GOLGA4: variants seen among roughly 807,000 people sequenced by gnomAD.
The protein encoded by GOLGA4 is golgin A4.
Under a neutral mutation model 265.9 loss-of-function variants are expected in GOLGA4, and 169 were observed. The observed-to-expected ratio is 0.64, with a 90% CI of 0.56 to 0.72. The LOEUF (loss-of-function observed/expected upper bound fraction) is 0.72, where lower values mean the gene tolerates loss of function less well. Among genes scored for constraint, GOLGA4 ranks in the 30% least tolerant of loss-of-function variants. The pLI, the probability that GOLGA4 is intolerant of heterozygous loss-of-function variation, is 0.00. For missense variants in GOLGA4, 2,482 were observed against 2,483.4 expected (o/e 1.00, Z 0.01); for synonymous variants, 923 against 855.8 (o/e 1.08, Z -1.37).
intron 20 of GOLGA4, among the ~76,000 whole-genome samples, chr3:37,343,145 G>A (rs1264071805): frequency 6.6e-6 from 1 of 152,176 alleles, no homozygotes; most frequent in African/African-American, 2.4e-5. Context: ...TTTCAAGACA[G>A]AGTTTTGTTC....
intron 2 of GOLGA4, among the ~76,000 whole-genome samples, chr3:37,253,633 A>G (rs2096740108): frequency 1.3e-5 from 2 of 152,160 alleles, no homozygotes; most frequent in Non-Finnish European, 2.9e-5. Flanking sequence ...AAGAGTGCTA[A>G]AACCAAATCT....
At chr3:37,318,365 C>T (rs1250737519) in intron 11 of GOLGA4, among the ~76,000 whole-genome samples, 2 of 152,116 alleles carry the variant, frequency 1.3e-5, no homozygotes, top group African/African-American at 4.8e-5. Context: ...CTTTAATACA[C>T]ACTAAATTAT....
intron 10 of GOLGA4, among the ~76,000 whole-genome samples, chr3:37,310,903 G>A (rs2096921458): frequency 6.6e-6 from 1 of 152,162 alleles, no homozygotes. Flanking sequence ...AGACTTGTCA[G>A]CTGTGACTGA....
intron 10 of GOLGA4, among the ~76,000 whole-genome samples, chr3:37,312,482 T>A (rs957131843): frequency 6.6e-6 from 1 of 152,128 alleles, no homozygotes; most frequent in Non-Finnish European, 1.5e-5. Context: ...ATTATCATCT[T>A]GGGGTTTGCA....
intron 18 of GOLGA4, among the ~76,000 whole-genome samples, 181 bp downstream of exon 18, chr3:37,337,344 A>G (rs866620876): frequency 3.3e-5 from 5 of 151,874 alleles, no homozygotes; most frequent in Admixed American, 6.6e-5. Flanking sequence ...GACTACAGGT[A>G]TGTGCCACCA....
intron 21 of GOLGA4, among the ~76,000 whole-genome samples, chr3:37,353,621 T>C (rs1318775195): frequency 2.6e-5 from 4 of 152,052 alleles, no homozygotes; most frequent in Non-Finnish European, 5.9e-5. Context: ...CACTGCAACC[T>C]CAAATTCCTG....
chr3:37,265,866 G>A lies in GOLGA4; in HGVS notation c.162+14382G>A, dbSNP rs570683799. ...AGCCTGGGTAATGTGGTGAAACCCC[G>A]TCTCTACAAAAATTAGCAGGCATAG... On this transcript the variant is annotated intron_variant, in intron 2 of 23. Coordinates refer to ENST00000361924, the MANE Select transcript of GOLGA4 (RefSeq NM_002078.5). 3.3e-5 allele frequency among the ~76,000 whole-genome samples: 5 copies of A among 151,676 alleles called. No individual in the cohort carries two copies. In the East Asian group the frequency reaches 5.8e-4, roughly 18 times the overall value.
In GOLGA4 at chr3:37,282,194, T is replaced by C; in HGVS notation, c.399T>C (p.Ser133=). Residue 133 remains serine (S), a synonymous_variant, in exon 3 of 24, where the codon AGT becomes AGC. Transcript: ENST00000361924. ...AAGACTTGGTAGGGAATTCAGACAG[T>C]CTCAACAAAGAACAGTTGATTCAGC... ...EAEDLVGNSD[S]LNKEQLIQRL... 2 of 1,614,144 alleles carry C rather than the reference T, an allele frequency of 1.2e-6. No individual in the cohort carries two copies. The highest frequency in any genetic ancestry group is 1.7e-6 in the Non-Finnish European group (2 of 1,179,970).
In GOLGA4 at chr3:37,366,564, A is replaced by G. The variant is rs1328449507; in HGVS notation, c.*518A>G. On this transcript the variant is annotated 3_prime_UTR_variant, in exon 24 of 24. Transcript: ENST00000361924. ...CTAAAGACCAGTTCTTTAAGCTAAG[A>G]CATGTAAAAAATCCCAAATGGCAGT... The G allele has an allele frequency of 6.5e-6, 1 of 153,908 alleles. No individual in the cohort carries two copies. The highest frequency in any genetic ancestry group is 1.9e-4 in the East Asian group (1 of 5,228). The allele number at this position is 153,908 out of a possible 1,614,324, so 9.5% of individuals were successfully genotyped here. A position where few individuals can be genotyped will look rare whatever the true frequency, so the allele number is the denominator to read the frequency against.
intron 3 of GOLGA4, among the ~76,000 whole-genome samples, chr3:37,284,050 G>A (rs966771317): frequency 1.3e-5 from 2 of 152,108 alleles, no homozygotes; most frequent in Admixed American, 1.3e-4. Context: ...GCAGCTTATC[G>A]GGATCAAAAG....
intron 21 of GOLGA4, among the ~76,000 whole-genome samples, chr3:37,349,485 G>A (rs2097067041): frequency 6.6e-6 from 1 of 152,072 alleles, no homozygotes; most frequent in South Asian, 2.1e-4. Context: ...ACATAGTGTG[G>A]GTTTTTGAAA....
chr3:37,269,549 G>GA (rs933071850), intron 2 of GOLGA4, among the ~76,000 whole-genome samples: 22 of 147,520 alleles, frequency 1.5e-4, no homozygotes, highest in Middle Eastern at 3.2e-3. Context: ...AGGCTTCACA[G>GA]AAAAAAAAAA....
chr3:37,258,736 A>G (rs1003845751), intron 2 of GOLGA4, among the ~76,000 whole-genome samples: 5 of 152,248 alleles, frequency 3.3e-5, no homozygotes, highest in African/African-American at 4.8e-5. Context: ...TCTTCAAAGT[A>G]ATACATGAGA....
chr3:37,326,175 C>G lies in GOLGA4; in HGVS notation c.4289C>G (p.Ser1430Cys). ...KVDTLSKEKI[S>C]ALEQVDDWSN... ...GACACTCTGAGTAAAGAGAAAATTT[C>G]TGCTCTTGAGCAGGTAGATGACTGG... The change falls in exon 14 of 24, where the codon TCT becomes TGT. Residue 1430 changes from serine to cysteine, a missense_variant. Ser to Cys is a moderately radical substitution (Grantham distance 112). Around this residue, in one of 3 missense-constraint regions of GOLGA4, gnomAD observed 942 missense variants for 983.1 expected, o/e 0.96. Coordinates refer to ENST00000361924, the MANE Select transcript of GOLGA4 (RefSeq NM_002078.5). The G allele has an allele frequency of 6.2e-7, 1 of 1,613,332 alleles. No homozygotes were observed. The highest frequency in any genetic ancestry group is 1.7e-5 in the Admixed American group (1 of 59,990).
intron 16 of GOLGA4, among the ~76,000 whole-genome samples, chr3:37,333,645 C>T (rs2096999037): frequency 6.6e-6 from 1 of 152,030 alleles, no homozygotes; most frequent in African/African-American, 2.4e-5. Flanking sequence ...CAAGAAATGT[C>T]AACAAACCAA....
chr3:37,327,139 A>G lies in GOLGA4; in HGVS notation c.5253A>G (p.Leu1751=), dbSNP rs772545144. Residue 1751 remains leucine, a synonymous_variant, in exon 14 of 24, where the codon CTA becomes CTG. Transcript: ENST00000361924. ...LQRNLTEKEK[L]LQRVGQEKEE... ...GAAACTTAACTGAAAAAGAAAAGCTATTGCAGAGGGTAGGGCAGGAAAAAG... is the reference window on the plus strand; with the variant it reads ...GAAACTTAACTGAAAAAGAAAAGCTGTTGCAGAGGGTAGGGCAGGAAAAAG... 1.2e-5 allele frequency: 19 copies of G among 1,613,590 alleles called. No individual in the cohort carries two copies. Among genetic ancestry groups the G allele is most frequent in the Admixed American group, 1.7e-5 (1 of 59,962 alleles).
rs527714681 is a variant in GOLGA4 at position 37,265,827 on chromosome 3, A to G, written c.162+14343A>G. Among the ~76,000 whole-genome samples the G allele has an allele frequency of 2.0e-5, 3 of 152,150 alleles. No homozygotes were observed. The South Asian group carries it at 6.2e-4, about 32-fold the overall frequency. On this transcript the variant is annotated intron_variant, in intron 2 of 23. Coordinates refer to ENST00000361924, the MANE Select transcript of GOLGA4 (RefSeq NM_002078.5). The stretch of plus-strand genomic sequence containing the variant: ...TGAGGCAGGTGGATCGCTTGAGCTC[A>G]GGAGTTCGAGACCAGCCTGGGTAAT...
intron 2 of GOLGA4, chr3:37,276,258 A>G: frequency 6.4e-7 from 1 of 1,560,950 alleles, no homozygotes; most frequent in Non-Finnish European, 8.8e-7. Flanking sequence ...AAATACAAAA[A>G]TAGAGTACGA....
At position 37,302,303 on chromosome 3, in the gene GOLGA4, G is replaced by A. The variant is rs142555202; in HGVS notation, c.1205G>A (p.Arg402Gln). 1.9e-6 allele frequency: 3 copies of A among 1,613,718 alleles called. No individual in the cohort carries two copies. Among genetic ancestry groups the A allele is most frequent in the Admixed American group, 1.7e-5 (1 of 59,984 alleles). ...ATGACTACCCAGGGAGAGGAATTAC[G>A]GGAACAGAAAGAAAAGTCCGAAAGA... The part of the protein sequence containing the change: ...KQMTTQGEEL[R>Q]EQKEKSERAA... The change falls in exon 10 of 24, where the codon CGG (arginine) becomes CAG (glutamine). Residue 402 changes from arginine to glutamine, a missense_variant. Arg to Gln is a conservative substitution (Grantham distance 43). Around this residue, in one of 3 missense-constraint regions of GOLGA4, gnomAD observed 1,536 missense variants for 1,483.7 expected, o/e 1.04. Coordinates refer to ENST00000361924, the MANE Select transcript of GOLGA4 (RefSeq NM_002078.5).
Sources: allele counts gnomAD v4.1 joint callset (sites outside exome capture counted in the v4.1 genomes callset), GRCh38; gene constraint gnomAD v4.1.1; regional missense constraint gnomAD v4.1.1; transcripts MANE v1.5; gene names NCBI Gene and HGNC (gene_info 2026-07-23, HGNC 2026-07-21).